TRIM66: variants seen among roughly 807,000 people sequenced by gnomAD.
TRIM66 encodes tripartite motif containing 66, also known as tripartite motif-containing protein 66.
In TRIM66, 99 loss-of-function variants were observed where a neutral mutation model predicts 148.2. The observed-to-expected ratio is 0.67, with a 90% CI of 0.57 to 0.79. The LOEUF is 0.79. Ranked by LOEUF, TRIM66 falls within the 30% of genes least tolerant of loss-of-function variation. The probability of loss-of-function intolerance (pLI) is 0.00; values close to 1 mark genes in which losing one functional copy is unlikely to be tolerated. For synonymous variants in TRIM66, 616 were observed against 635.9 expected (o/e 0.97, Z 0.47); for missense variants, 1,666 against 1,697.9 (o/e 0.98, Z 0.33).
chr11:8,677,406 CATT>C (rs1230642274), intron 3 of TRIM66, among the ~76,000 whole-genome samples: 1 of 152,100 alleles, frequency 6.6e-6, no homozygotes, highest in East Asian at 1.9e-4. Flanking sequence ...GAATGAATCT[CATT>C]ATTTTTTCAT....
At chr11:8,660,277 C>T (rs1383887234) in intron 6 of TRIM66, among the ~76,000 whole-genome samples, 3 of 152,170 alleles carry the variant, frequency 2.0e-5, no homozygotes, top group Admixed American at 6.5e-5. Context: ...AAAATTAACT[C>T]CCTCCTGTTT....
chr11:8,624,295 G>C (rs2034594953), intron 17 of TRIM66, 64 bp downstream of exon 17: 1 of 1,509,722 alleles, frequency 6.6e-7, no homozygotes, highest in Non-Finnish European at 8.9e-7. Flanking sequence ...CTCTTACCTA[G>C]AAGTGCTGAG....
intron 19 of TRIM66, 150 bp from the exon 20 acceptor site, chr11:8,621,471 C>T (rs974252670): frequency 1.1e-5 from 15 of 1,310,690 alleles, no homozygotes; most frequent in East Asian, 1.0e-4. Context: ...TGCTGGGACA[C>T]CTCACTCCTA....
chr11:8,649,704 G>C (rs1196471487), intron 8 of TRIM66, 36 bp downstream of exon 8: 2 of 1,541,876 alleles, frequency 1.3e-6, no homozygotes, highest in Admixed American at 2.0e-5. Flanking sequence ...CCTGCTTTAG[G>C]GCATGGGAGT....
chr11:8,677,478 G>T (rs77052189), intron 3 of TRIM66, among the ~76,000 whole-genome samples: 2,127 of 152,236 alleles, frequency 0.014, 45 homozygotes, highest in African/African-American at 0.046. Flanking sequence ...ATAATTCAGT[G>T]AGTAAAAACA....
intron 6 of TRIM66, among the ~76,000 whole-genome samples, chr11:8,668,519 T>C (rs955861698): frequency 6.6e-6 from 1 of 152,208 alleles, no homozygotes. Flanking sequence ...CTACTCTCCA[T>C]GTGACTGCCT....
intron 13 of TRIM66, 103 bp downstream of exon 13, chr11:8,642,906 G>C: frequency 2.1e-6 from 1 of 485,254 alleles, no homozygotes; most frequent in Non-Finnish European, 3.3e-6. Flanking sequence ...GGCAGTCCCA[G>C]AGAGTGCTTT....
chr11:8,642,874 G>A (rs1242005089), intron 13 of TRIM66, 135 bp downstream of exon 13: 1 of 260,328 alleles, frequency 3.8e-6, no homozygotes, highest in East Asian at 7.1e-5. Context: ...AAAAAGGTTT[G>A]CTGAATGATT....
Position 8,671,785 on chromosome 11 carries a change from C to T in TRIM66, c.340+1G>A, listed in dbSNP as rs550891040. On this transcript the variant is annotated splice_donor_variant, in intron 6 of 24. Transcript: ENST00000646038. LOFTEE classifies it high-confidence loss of function. ...TGAACTTGTGGTGCCTTTGTACTTA[C>T]CATCTGCAACAGTCTCATGAGCCTT... 1.6e-6 allele frequency: 2 copies of T among 1,285,286 alleles called. No homozygotes were observed. Among genetic ancestry groups the T allele is most frequent in the East Asian group, 2.5e-5 (1 of 39,776 alleles). The allele number at this position is 1,285,286 out of a possible 1,614,324, so 79.6% of individuals were successfully genotyped here.
At chr11:8,658,265 C>T (rs183942175) in intron 6 of TRIM66, among the ~76,000 whole-genome samples, 4 of 152,328 alleles carry the variant, frequency 2.6e-5, no homozygotes, top group African/African-American at 7.2e-5. Context: ...CTCAAAGAGG[C>T]GACTCTCTTC....
chr11:8,663,415 T>G (rs528355744), intron 6 of TRIM66, among the ~76,000 whole-genome samples: 1 of 152,230 alleles, frequency 6.6e-6, no homozygotes, highest in Non-Finnish European at 1.5e-5. Context: ...ATGATAAAGT[T>G]TAATTTGTAA....
In TRIM66 at chr11:8,621,696, G is replaced by C; in HGVS notation, c.3204C>G (p.Ser1068Arg). 1 of 1,551,172 alleles carries C rather than the reference G, an allele frequency of 6.4e-7. No individual in the cohort carries two copies. Residue 1068 changes from serine (S) to arginine (R), a missense_variant, in exon 19 of 25, where the codon AGC (serine) becomes AGG (arginine). By Grantham distance (110) the Ser-to-Arg change is moderately radical (BLOSUM62 -1). Coordinates refer to ENST00000646038, the MANE Select transcript of TRIM66 (RefSeq NM_001388022.1). ...LKPQKNDQDG[S>R]FLLIIECGTE... ...TGCCACACTCGATGATCAGCAGGAAGCTCCCATCCTGATCATTCTTCTGTG... is the reference window on the plus strand; with the variant it reads ...TGCCACACTCGATGATCAGCAGGAACCTCCCATCCTGATCATTCTTCTGTG...
chr11:8,662,654 G>C (rs990807177), intron 6 of TRIM66, among the ~76,000 whole-genome samples: 5 of 152,174 alleles, frequency 3.3e-5, no homozygotes, highest in Non-Finnish European at 5.9e-5. Flanking sequence ...CTTTGAAAAT[G>C]GGAAAAATAA....
chr11:8,639,508 T>C (rs545492352), intron 14 of TRIM66, among the ~76,000 whole-genome samples: 39 of 152,262 alleles, frequency 2.6e-4, no homozygotes, highest in Non-Finnish European at 2.5e-4. Flanking sequence ...TCCAATATCC[T>C]CCTGTGGAAA....
rs941396115 is a variant in TRIM66, at chr11:8,614,746, G to C, written c.*3198C>G. On this transcript the variant is annotated 3_prime_UTR_variant, in exon 25 of 25. Coordinates refer to ENST00000646038, the MANE Select transcript of TRIM66 (RefSeq NM_001388022.1). ...GTTGCTAGAAATGGGTACAGGGAGG[G>C]AGCCAGAGTCCGCTGGTGGGGGATG... 2 of 152,708 alleles carry C rather than the reference G, an allele frequency of 1.3e-5. No homozygotes were observed. Among genetic ancestry groups the C allele is most frequent in the Admixed American group, 6.5e-5 (1 of 15,292 alleles). 9.5% of individuals were successfully genotyped at this position (152,708 alleles called of 1,614,324 possible).
rs1357604784 is a variant in TRIM66, at chr11:8,612,327, C to G, written c.*5617G>C. ...TTCCCTGCCCTGGTCTGGACTCCCC[C>G]AGCTGTGTCCCACCCCTGGAATTCC... is the stretch of plus-strand genomic sequence containing the variant. On this transcript the variant is annotated 3_prime_UTR_variant, in exon 25 of 25. Transcript: ENST00000646038. The G allele has an allele frequency of 7.9e-5, 12 of 152,378 alleles. No individual in the cohort carries two copies. The highest frequency in any genetic ancestry group is 2.9e-5 in the Non-Finnish European group (2 of 68,082). 9.4% of individuals were successfully genotyped at this position (152,378 alleles called of 1,614,324 possible). A position where few individuals can be genotyped will look rare whatever the true frequency, so the allele number is the denominator to read the frequency against.
intron 8 of TRIM66, among the ~76,000 whole-genome samples, chr11:8,649,279 T>C (rs1449056951): frequency 6.6e-6 from 1 of 151,808 alleles, no homozygotes; most frequent in Non-Finnish European, 1.5e-5. Flanking sequence ...GTGGAGGTTG[T>C]AGTGAGCCGA....
At position 8,621,209 on chromosome 11, in the gene TRIM66, G is replaced by A. The variant is rs759037940; in HGVS notation, c.3368C>T (p.Pro1123Leu). 2.6e-6 allele frequency: 4 copies of A among 1,551,622 alleles called. No homozygotes were observed. The change falls in exon 20 of 25, where the codon CCT becomes CTT. Residue 1123 changes from proline (P) to leucine (L), a missense_variant. Pro to Leu is a moderately conservative substitution (Grantham distance 98). Around this residue, in one of 3 missense-constraint regions of TRIM66, gnomAD observed 1,431 missense variants for 1,412.4 expected, o/e 1.01. Coordinates refer to ENST00000646038, the MANE Select transcript of TRIM66 (RefSeq NM_001388022.1). ...TCGAGGAATGAGTCTGTGTTCTTCA[G>A]GAGATGTGCCCTCCACTTCTGGTGG... ...QRPPEVEGTS[P>L]EEHRLIPRTP...
At chr11:8,643,266 T>C in intron 12 of TRIM66, 140 bp from the exon 13 acceptor site, 1 of 625,766 alleles carries the variant, frequency 1.6e-6, no homozygotes, top group South Asian at 2.1e-5. Flanking sequence ...TCTCATTCTC[T>C]TGCACCTTAG....
Sources: gnomAD v4.1 joint callset for allele counts (sites outside exome capture counted in the v4.1 genomes callset) on GRCh38, gnomAD v4.1.1 for gene constraint, gnomAD v4.1.1 regional missense constraint, MANE v1.5 for transcripts, NCBI Gene and HGNC (gene_info 2026-07-23, HGNC 2026-07-21) for gene names.